HACE1: variants seen among roughly 807,000 people sequenced by gnomAD.
HACE1 encodes the protein HECT domain and ankyrin repeat containing E3 ubiquitin protein ligase 1.
In HACE1, 73 loss-of-function variants were observed where a neutral mutation model predicts 118.4. The observed-to-expected ratio is 0.62, with a 90% CI of 0.51 to 0.75. The LOEUF (loss-of-function observed/expected upper bound fraction) is 0.75. HACE1 is among the 30% of genes least tolerant of loss of function. The probability of loss-of-function intolerance (pLI) is 0.00; values close to 1 mark genes in which losing one functional copy is unlikely to be tolerated. For synonymous variants in HACE1, 368 were observed against 374.8 expected, an observed-to-expected ratio of 0.98 and a Z score of 0.21; for missense variants, 749 against 1,102.2, an observed-to-expected ratio of 0.68 and a Z score of 4.54.
At chr6:104,833,503 ACT>A (rs1406685418) in intron 5 of HACE1, among the ~76,000 whole-genome samples, 2 of 152,074 alleles carry the variant, frequency 1.3e-5, no homozygotes, top group Non-Finnish European at 2.9e-5. Flanking sequence ...TATGAGGAAA[ACT>A]TCGGTATCAA....
intron 22 of HACE1, among the ~76,000 whole-genome samples, chr6:104,737,839 G>A (rs1474354573): frequency 2.0e-5 from 3 of 152,206 alleles, no homozygotes; most frequent in Non-Finnish European, 4.4e-5. Context: ...GCTCAAGGAG[G>A]CCTGCCTGCC....
At chr6:104,750,709 T>C (rs1483682697) in intron 19 of HACE1, among the ~76,000 whole-genome samples, 1 of 152,042 alleles carries the variant, frequency 6.6e-6, no homozygotes, top group African/African-American at 2.4e-5. Context: ...CAGATCTACC[T>C]TTAAAAAAAT....
intron 20 of HACE1, among the ~76,000 whole-genome samples, chr6:104,745,096 A>G (rs1777265468): frequency 6.6e-6 from 1 of 152,196 alleles, no homozygotes; most frequent in South Asian, 2.1e-4. Flanking sequence ...TAATATAAAA[A>G]TAGTTACGAT....
chr6:104,750,503 T>C, intron 19 of HACE1, 31 bp from the exon 20 acceptor site: 1 of 1,600,122 alleles, frequency 6.2e-7, no homozygotes, highest in Non-Finnish European at 8.6e-7. Context: ...ATGATGACTT[T>C]TCAAAAACCT....
intron 22 of HACE1, among the ~76,000 whole-genome samples, chr6:104,740,807 T>C (rs1306955785): frequency 7.3e-6 from 1 of 137,616 alleles, no homozygotes; most frequent in East Asian, 2.1e-4. Flanking sequence ...CTAACTCATT[T>C]TATGAGGCCA....
At chr6:104,846,815 C>T (rs1291225021) in intron 4 of HACE1, among the ~76,000 whole-genome samples, 1 of 152,192 alleles carries the variant, frequency 6.6e-6, no homozygotes, top group African/African-American at 2.4e-5. Flanking sequence ...ACTTAGCAAA[C>T]ATTGAGCACC....
At chr6:104,789,740 A>G (rs1181016309) in intron 11 of HACE1, among the ~76,000 whole-genome samples, 4 of 152,182 alleles carry the variant, frequency 2.6e-5, no homozygotes, top group Admixed American at 2.6e-4. Flanking sequence ...AATAATATTG[A>G]CCACATCTAT....
intron 6 of HACE1, among the ~76,000 whole-genome samples, chr6:104,832,771 C>T (rs1419483747): frequency 3.3e-5 from 5 of 151,796 alleles, no homozygotes; most frequent in African/African-American, 9.7e-5. Flanking sequence ...CAGTGGTTCA[C>T]GCATGTAATC....
intron 19 of HACE1, among the ~76,000 whole-genome samples, chr6:104,767,302 C>T (rs1041714326): frequency 6.6e-6 from 1 of 152,074 alleles, no homozygotes; most frequent in Admixed American, 6.5e-5. Flanking sequence ...TCCTTGAGTC[C>T]TTCCTCTTTC....
chr6:104,750,266 C>T, intron 20 of HACE1, 75 bp downstream of exon 20: 2 of 1,229,400 alleles, frequency 1.6e-6, no homozygotes, highest in Non-Finnish European at 1.2e-6. Flanking sequence ...TAATACTCCA[C>T]AATTATTTCT....
chr6:104,809,329 C>T (rs895464897), intron 7 of HACE1, among the ~76,000 whole-genome samples: 1 of 152,126 alleles, frequency 6.6e-6, no homozygotes, highest in South Asian at 2.1e-4. Context: ...ATCTGGGGAA[C>T]GACCTGCTTA....
At chr6:104,794,810 C>A (rs1017751273) in intron 10 of HACE1, among the ~76,000 whole-genome samples, 7 of 151,748 alleles carry the variant, frequency 4.6e-5, no homozygotes, top group African/African-American at 1.7e-4. Context: ...GAGGCTGAGG[C>A]AGGAGAATTG....
chr6:104,839,738 G>C (rs1774910183), intron 5 of HACE1, among the ~76,000 whole-genome samples: 1 of 152,158 alleles, frequency 6.6e-6, no homozygotes, highest in South Asian at 2.1e-4. Flanking sequence ...AGGCATGGTG[G>C]CTCACACCTG....
rs751093676 is a variant in HACE1 at position 104,795,562 on chromosome 6, T to G, written c.923+17A>C. The G allele has an allele frequency of 1.4e-6, 2 of 1,423,928 alleles. No homozygotes were observed. Among genetic ancestry groups the G allele is most frequent in the Non-Finnish European group, 2.0e-6 (2 of 1,006,390 alleles). The allele number at this position is 1,423,928 out of a possible 1,614,324, so 88.2% of individuals were successfully genotyped here. A position where few individuals can be genotyped will look rare whatever the true frequency, so the allele number is the denominator to read the frequency against. On this transcript the variant is annotated intron_variant, in intron 10 of 23. Transcript: ENST00000262903. ...ACACTGCTACCTATTGATTTCCTCT[T>G]ATTGCGAAACACTTACCTAAGCAGT...
rs202049586 is a variant in HACE1 at position 104,858,531 on chromosome 6, C to T, written c.76+1036G>A. The T allele has an allele frequency of 8.0e-5, 30 of 375,980 alleles. 1 individual carries two copies. In the East Asian group the frequency reaches 2.9e-3, roughly 36 times the overall value. 23.3% of individuals were successfully genotyped at this position (375,980 alleles called of 1,614,324 possible). ...CCTGGGGAACATAGTGAGACCTCATCTCTATAAAAGAAAGGAAAGAAAATT... is the reference window on the plus strand; with the variant it reads ...CCTGGGGAACATAGTGAGACCTCATTTCTATAAAAGAAAGGAAAGAAAATT... On this transcript the variant is annotated intron_variant, in intron 1 of 23. Coordinates refer to ENST00000262903, the MANE Select transcript of HACE1 (RefSeq NM_020771.4).
rs751577510 is a variant in HACE1, at chr6:104,743,906, A to G, written c.2513+254T>C. On this transcript the variant is annotated intron_variant, in intron 22 of 23. Transcript: ENST00000262903. ...CTACCTGCAGAGCAAAAAGATTTCC[A>G]AATTATAAAGTACAATATACTGATA... is the stretch of plus-strand genomic sequence containing the variant. Among the ~76,000 whole-genome samples the G allele has an allele frequency of 8.5e-4, 129 of 152,218 alleles. 1 individual carries two copies. Among genetic ancestry groups the G allele is most frequent in the Non-Finnish European group, 1.6e-3 (106 of 67,974 alleles).
intron 6 of HACE1, among the ~76,000 whole-genome samples, chr6:104,832,108 C>T (rs891551370): frequency 1.3e-5 from 2 of 152,136 alleles, no homozygotes; most frequent in East Asian, 1.9e-4. Context: ...AATAGGATAA[C>T]CTGACTCATA....
Position 104,777,074 on chromosome 6 carries a change from T to C in HACE1, c.1715A>G (p.Lys572Arg). The part of the protein sequence containing the change: ...IFRSSCEVVS[K>R]ANCAKLKQGI... ...TTGCTTTAGCTTTGCACAATTTGCT[T>C]TTGACACAACTTCACAGCTACTCCT... The change falls in exon 16 of 24, where the codon AAA (lysine) becomes AGA (arginine). Residue 572 changes from lysine to arginine, a missense_variant. Physicochemically the swap from Lys to Arg is conservative, Grantham distance 26 (BLOSUM62 2). Coordinates refer to ENST00000262903, the MANE Select transcript of HACE1 (RefSeq NM_020771.4). The C allele has an allele frequency of 6.2e-7, 1 of 1,613,010 alleles. No individual in the cohort carries two copies.
chr6:104,777,853 GA>G (rs1478165136), intron 14 of HACE1, among the ~76,000 whole-genome samples: 1 of 152,194 alleles, frequency 6.6e-6, no homozygotes, highest in African/African-American at 2.4e-5. Flanking sequence ...TCTGCCTCCT[GA>G]ATTCAAGTGA....
Sources: allele counts gnomAD v4.1 joint callset (sites outside exome capture counted in the v4.1 genomes callset), GRCh38; gene constraint gnomAD v4.1.1; transcripts MANE v1.5; gene names NCBI Gene and HGNC (gene_info 2026-07-23, HGNC 2026-07-21).